The following HPS3 variants were observed in gnomAD, a reference collection of about 807,000 sequenced individuals.
The protein encoded by HPS3 is BLOC-2 complex member HPS3.
In HPS3, 79 loss-of-function variants were observed where a neutral mutation model predicts 110.9. The ratio of observed to expected loss-of-function variants is 0.71; its 90% CI spans 0.59 to 0.86. The LOEUF is 0.86. Among genes scored for constraint, HPS3 ranks in the 40% least tolerant of loss-of-function variants. HPS3 has a pLI of 0.00. For synonymous variants in HPS3, 428 were observed against 451.0 expected (o/e 0.95, Z 0.65); for missense variants, 1,197 against 1,206.2 (o/e 0.99, Z 0.11).
At position 149,153,546 on chromosome 3, in the gene HPS3, T is replaced by C; in HGVS notation, c.1298T>C (p.Ile433Thr). 6.2e-7 allele frequency: 1 copy of C among 1,613,928 alleles called. No homozygotes were observed. The highest frequency in any genetic ancestry group is 8.5e-7 in the Non-Finnish European group (1 of 1,179,786). Residue 433 changes from isoleucine to threonine, a missense_variant, in exon 7 of 17, where the codon ATA becomes ACA. Coordinates refer to ENST00000296051, the MANE Select transcript of HPS3 (RefSeq NM_032383.5). ...TGTGCTTTAAGAATACAGCTTTTCA[T>C]AGGCTTGAAAGCCATCTGTCACTTT... ...DVCALRIQLF[I>T]GLKAICHFKN...
At chr3:149,143,503 AAGC>A (rs1313788276) in intron 4 of HPS3, among the ~76,000 whole-genome samples, 1 of 152,194 alleles carries the variant, frequency 6.6e-6, no homozygotes, top group Non-Finnish European at 1.5e-5. Flanking sequence ...GGCTCTGTGA[AAGC>A]AGTTACGTTG....
At chr3:149,149,687 T>G (rs1047339943) in intron 5 of HPS3, among the ~76,000 whole-genome samples, 2 of 152,226 alleles carry the variant, frequency 1.3e-5, no homozygotes, top group Non-Finnish European at 2.9e-5. Context: ...TCTCCCACTT[T>G]CTAGTTTTTT....
rs1450254873 is a variant in HPS3, at chr3:149,173,342, G to T, written c.*1120G>T. ...GCATGTTAGAAGGATCAATGGGAAG[G>T]CAATGATTGAAAACATTTCAATGAA... is the stretch of plus-strand genomic sequence containing the variant. On this transcript the variant is annotated 3_prime_UTR_variant, in exon 17 of 17. Coordinates refer to ENST00000296051, the MANE Select transcript of HPS3 (RefSeq NM_032383.5). The T allele has an allele frequency of 6.2e-6, 1 of 162,014 alleles. No homozygotes were observed. The highest frequency in any genetic ancestry group is 1.8e-4 in the East Asian group (1 of 5,706). The allele number at this position is 162,014 out of a possible 1,614,324, so 10.0% of individuals were successfully genotyped here. A position where few individuals can be genotyped will look rare whatever the true frequency, so the allele number is the denominator to read the frequency against.
At chr3:149,151,522 G>T (rs2689234) in intron 6 of HPS3, among the ~76,000 whole-genome samples, 81,150 of 144,342 alleles carry the variant, frequency 0.56, 22,724 homozygotes, top group South Asian at 0.69. Flanking sequence ...ATACTTAATC[G>T]AAGAGTTAAT....
Position 149,140,234 on chromosome 3 carries a change from G to A in HPS3, c.448G>A (p.Val150Ile), listed in dbSNP as rs146744768. The A allele has an allele frequency of 3.5e-5, 57 of 1,614,156 alleles. No homozygotes were observed. In the East Asian group the frequency reaches 1.0e-3, roughly 28 times the overall value. ...TTGCCCTGTGAAAGGAGACCTTCTC[G>A]TTGGCTGCACAAATAAATTAGTCTT... ...SCCPVKGDLL[V>I]GCTNKLVLFS... The change falls in exon 2 of 17, where the codon GTT becomes ATT. Residue 150 changes from valine to isoleucine, a missense_variant. By Grantham distance (29) the Val-to-Ile change is conservative. Transcript: ENST00000296051.
chr3:149,145,765 A>C (rs528558606), intron 5 of HPS3, among the ~76,000 whole-genome samples: 6 of 152,308 alleles, frequency 3.9e-5, no homozygotes, highest in African/African-American at 7.2e-5. Context: ...TAGACTGGAT[A>C]GGGGTCCCTG....
rs753053771 is a variant in HPS3 at position 149,163,912 on chromosome 3, C to T, written c.2552C>T (p.Ala851Val). The change falls in exon 14 of 17, where the codon GCT becomes GTT. Residue 851 changes from alanine to valine, a missense_variant. Coordinates refer to ENST00000296051, the MANE Select transcript of HPS3 (RefSeq NM_032383.5). Reference sequence around the variant, plus strand: ...GTCGTAATATCATCTGATTCTTTAGCTGATAAAAATTATACAGAAGATCTT... The same window carrying T: ...GTCGTAATATCATCTGATTCTTTAGTTGATAAAAATTATACAGAAGATCTT... ...VHVVISSDSL[A>V]DKNYTEDLSK... 1 of 1,575,370 alleles carries T rather than the reference C, an allele frequency of 6.3e-7. No individual in the cohort carries two copies. The highest frequency in any genetic ancestry group is 8.7e-7 in the Non-Finnish European group (1 of 1,144,908).
chr3:149,162,407 A>T (rs1723956005), intron 12 of HPS3, 74 bp downstream of exon 12: 1 of 1,357,236 alleles, frequency 7.4e-7, no homozygotes, highest in Admixed American at 1.7e-5. Context: ...AGAATAAGAG[A>T]AGTGAGTTTT....
chr3:149,151,626 C>T (rs1056274305), intron 6 of HPS3, among the ~76,000 whole-genome samples: 8 of 131,434 alleles, frequency 6.1e-5, no homozygotes, highest in African/African-American at 2.0e-4. Context: ...AGCCTCTTGA[C>T]CACAGAATAA....
chr3:149,145,285 AAT>A (rs1722722375), intron 4 of HPS3, 67 bp from the exon 5 acceptor site: 3 of 1,222,876 alleles, frequency 2.5e-6, no homozygotes, highest in South Asian at 2.4e-5. Flanking sequence ...TAGCAAAGTC[AAT>A]ATATGATTAT....
Position 149,173,078 on chromosome 3 carries a change from T to C in HPS3, c.*856T>C, listed in dbSNP as rs1402446869. The C allele has an allele frequency of 6.6e-6, 1 of 152,398 alleles. No homozygotes were observed. Among genetic ancestry groups the C allele is most frequent in the Non-Finnish European group, 1.5e-5 (1 of 68,020 alleles). 9.4% of individuals were successfully genotyped at this position (152,398 alleles called of 1,614,324 possible). A position where few individuals can be genotyped will look rare whatever the true frequency, so the allele number is the denominator to read the frequency against. On this transcript the variant is annotated 3_prime_UTR_variant, in exon 17 of 17. Coordinates refer to ENST00000296051, the MANE Select transcript of HPS3 (RefSeq NM_032383.5). ...GCAGAAATTCTACTCATGTGACATCTGCCACAGGTCTATTTTGAAGCTTTT... is the reference window on the plus strand; with the variant it reads ...GCAGAAATTCTACTCATGTGACATCCGCCACAGGTCTATTTTGAAGCTTTT...
chr3:149,147,397 C>G (rs1722840408), intron 5 of HPS3, among the ~76,000 whole-genome samples: 1 of 152,080 alleles, frequency 6.6e-6, no homozygotes, highest in Non-Finnish European at 1.5e-5. Flanking sequence ...GAATTAAACT[C>G]TGGTGAAGGT....
chr3:149,136,583 A>G (rs188903295), intron 1 of HPS3, among the ~76,000 whole-genome samples: 1 of 152,156 alleles, frequency 6.6e-6, no homozygotes, highest in African/African-American at 2.4e-5. Context: ...GTTGCCTTGG[A>G]CAAGTTACTT....
At chr3:149,154,289 A>G (rs565114119) in intron 7 of HPS3, among the ~76,000 whole-genome samples, 55 of 152,342 alleles carry the variant, frequency 3.6e-4, no homozygotes, top group South Asian at 1.9e-3. Flanking sequence ...CAAGAAAGAA[A>G]TCTCTTCAGG....
chr3:149,141,508 C>T, intron 4 of HPS3, 128 bp downstream of exon 4: 1 of 713,150 alleles, frequency 1.4e-6, no homozygotes, highest in South Asian at 1.6e-5. Context: ...TCCTTGTGGC[C>T]CTTTAACAAA....
Position 149,172,318 on chromosome 3 carries a change from T to TCTCACACACA in HPS3, c.*97_*98insTCACACACAC, listed in dbSNP as rs72453449. The TCTCACACACA allele has an allele frequency of 8.9e-3, 5,079 of 571,248 alleles. 38 individuals carry two copies. The highest frequency in any genetic ancestry group is 0.02 in the South Asian group (1,144 of 57,966). 35.4% of individuals were successfully genotyped at this position (571,248 alleles called of 1,614,324 possible). A position where few individuals can be genotyped will look rare whatever the true frequency, so the allele number is the denominator to read the frequency against. Reference sequence around the variant, plus strand: ...GTAGAGGAGTTTTTTATTTTATATATCACACACACACACACACACACACAC... The same window carrying TCTCACACACA: ...GTAGAGGAGTTTTTTATTTTATATATCTCACACACACACACACACACACACACACACACAC... On this transcript the variant is annotated 3_prime_UTR_variant, in exon 17 of 17. Coordinates refer to ENST00000296051, the MANE Select transcript of HPS3 (RefSeq NM_032383.5).
chr3:149,160,356 C>T (rs1453943145), intron 11 of HPS3, 77 bp downstream of exon 11: 1 of 937,944 alleles, frequency 1.1e-6, no homozygotes, highest in African/African-American at 1.6e-5. Context: ...TGTCTTCTGG[C>T]TTCTTTCTAG....
At chr3:149,144,462 A>G (rs143724232) in intron 4 of HPS3, among the ~76,000 whole-genome samples, 2 of 152,220 alleles carry the variant, frequency 1.3e-5, no homozygotes, top group South Asian at 2.1e-4. Flanking sequence ...TGACTAAAAA[A>G]CTTCTGTAAT....
chr3:149,150,979 C>T (rs1242611466), intron 6 of HPS3, among the ~76,000 whole-genome samples: 1 of 151,500 alleles, frequency 6.6e-6, no homozygotes, highest in African/African-American at 2.4e-5. Flanking sequence ...CTACTGTATG[C>T]TACAATTTTA....
Sources: allele counts gnomAD v4.1 joint callset (sites outside exome capture counted in the v4.1 genomes callset), GRCh38; gene constraint gnomAD v4.1.1; transcripts MANE v1.5; gene names NCBI Gene and HGNC (gene_info 2026-07-23, HGNC 2026-07-21).